CAPN7: variants seen among roughly 807,000 people sequenced by gnomAD.
CAPN7 encodes the protein calpain-7.
A neutral mutation model predicts 115.2 loss-of-function variants in CAPN7; 72 were observed. That is an observed-to-expected ratio of 0.63 (90% CI 0.52 to 0.76). The LOEUF is 0.76. Among genes scored for constraint, CAPN7 ranks in the 30% least tolerant of loss-of-function variants. CAPN7 has a pLI of 0.00. For synonymous variants in CAPN7, 344 were observed against 322.3 expected, an observed-to-expected ratio of 1.07 and a Z score of -0.72; for missense variants, 905 against 971.5, an observed-to-expected ratio of 0.93 and a Z score of 0.91.
In CAPN7 at chr3:15,224,561, C is replaced by A. The variant is rs187985183; in HGVS notation, c.725+1000C>A. ...GTGCTGGGATTACAGATGTGAGCCA[C>A]TGTGCCTGACCCTTCTTTTTCTTTT... On this transcript the variant is annotated intron_variant, in intron 6 of 20. Coordinates refer to ENST00000253693, the MANE Select transcript of CAPN7 (RefSeq NM_014296.3). Among the ~76,000 whole-genome samples, 712 of 152,044 alleles carry A rather than the reference C, an allele frequency of 4.7e-3. 6 individuals carry two copies. The highest frequency in any genetic ancestry group is 0.017 in the African/African-American group (688 of 41,414).
chr3:15,240,242 TTTAAC>T (rs1447209859), intron 12 of CAPN7, among the ~76,000 whole-genome samples: 6 of 152,206 alleles, frequency 3.9e-5, no homozygotes, highest in Non-Finnish European at 7.3e-5. Context: ...TTTATATAAT[TTTAAC>T]TTAACTACAT....
intron 6 of CAPN7, among the ~76,000 whole-genome samples, chr3:15,225,691 A>G (rs1439745896): frequency 6.6e-6 from 1 of 152,226 alleles, no homozygotes; most frequent in Non-Finnish European, 1.5e-5. Context: ...TCTAGCATAT[A>G]AACTTCATAA....
intron 19 of CAPN7, among the ~76,000 whole-genome samples, chr3:15,250,350 G>A (rs1173110826): frequency 6.6e-6 from 1 of 151,778 alleles, no homozygotes; most frequent in African/African-American, 2.4e-5. Flanking sequence ...ACTCCAGCCT[G>A]GGTGACAGTG....
In CAPN7 at chr3:15,233,939, A is replaced by G; in HGVS notation, c.1252A>G (p.Ser418Gly). Residue 418 changes from serine (S) to glycine (G), a missense_variant, in exon 11 of 21, where the codon AGT becomes GGT. Coordinates refer to ENST00000253693, the MANE Select transcript of CAPN7 (RefSeq NM_014296.3). The stretch of plus-strand genomic sequence containing the variant: ...TATGCATTCAGATAGCCAAACTTTC[A>G]GTAAGGATAATTCTTTCAGAATGCT... ...IAMHSDSQTFSKDNSFRMLYQ... is the reference protein window; with the variant it reads ...IAMHSDSQTFGKDNSFRMLYQ... 1 of 1,597,996 alleles carries G rather than the reference A, an allele frequency of 6.3e-7. No individual in the cohort carries two copies. Among genetic ancestry groups the G allele is most frequent in the Non-Finnish European group, 8.6e-7 (1 of 1,166,258 alleles).
At chr3:15,221,072 A>G (rs1693951017) in intron 5 of CAPN7, 91 bp downstream of exon 5, 4 of 963,866 alleles carry the variant, frequency 4.1e-6, no homozygotes, top group Non-Finnish European at 6.5e-6. Flanking sequence ...TTGTATTCAG[A>G]TTTCTCCTAT....
intron 19 of CAPN7, among the ~76,000 whole-genome samples, chr3:15,248,205 A>T (rs190317274): frequency 2.4e-4 from 37 of 152,232 alleles, no homozygotes; most frequent in South Asian, 4.1e-4. Context: ...TAAAAATAAA[A>T]AAATAAAAAC....
At chr3:15,223,166 CT>C (rs1199336398) in intron 5 of CAPN7, among the ~76,000 whole-genome samples, 3 of 152,020 alleles carry the variant, frequency 2.0e-5, no homozygotes, top group Non-Finnish European at 2.9e-5. Context: ...TGATTTCTCC[CT>C]TTAGGCTTAG....
In CAPN7 at chr3:15,246,729, T is replaced by A. The variant is rs2125011679; in HGVS notation, c.2011-3T>A. On this transcript the variant is annotated splice_polypyrimidine_tract_variant and splice_region_variant and intron_variant, in intron 17 of 20. Transcript: ENST00000253693. Reference sequence around the variant, plus strand: ...TATCAATACAGTCTTTTTTTAAATCTAGGTATATTCAGCATGCAGCTTTAC... The same window carrying A: ...TATCAATACAGTCTTTTTTTAAATCAAGGTATATTCAGCATGCAGCTTTAC... 1 of 1,586,640 alleles carries A rather than the reference T, an allele frequency of 6.3e-7. No individual in the cohort carries two copies. Among genetic ancestry groups the A allele is most frequent in the East Asian group, 2.2e-5 (1 of 44,646 alleles).
chr3:15,230,076 C>T (rs1245126587), intron 8 of CAPN7, among the ~76,000 whole-genome samples: 1 of 152,120 alleles, frequency 6.6e-6, no homozygotes. Flanking sequence ...GTTGTATCTA[C>T]TTGCCTTAGT....
intron 2 of CAPN7, among the ~76,000 whole-genome samples, chr3:15,214,642 C>G (rs1244722709): frequency 1.3e-5 from 2 of 152,238 alleles, no homozygotes; most frequent in Non-Finnish European, 2.9e-5. Flanking sequence ...TGCTTGAGCC[C>G]AGGAGGTTGA....
intron 2 of CAPN7, 90 bp from the exon 3 acceptor site, chr3:15,217,335 T>A (rs1483822310): frequency 8.8e-7 from 1 of 1,138,360 alleles, no homozygotes; most frequent in Non-Finnish European, 1.2e-6. Flanking sequence ...TACAGGGTTT[T>A]GGTAAAAAAT....
At position 15,240,872 on chromosome 3, in the gene CAPN7, C is replaced by T; in HGVS notation, c.1652+19C>T. 7.0e-7 allele frequency: 1 copy of T among 1,420,194 alleles called. No individual in the cohort carries two copies. The highest frequency in any genetic ancestry group is 9.9e-7 in the Non-Finnish European group (1 of 1,007,882). 88.0% of individuals were successfully genotyped at this position (1,420,194 alleles called of 1,614,324 possible). On this transcript the variant is annotated intron_variant, in intron 14 of 20. Transcript: ENST00000253693. Reference sequence around the variant, plus strand: ...TTCACAGGTAACTTTTTGCACATTGCAGAGTATGCTTTATAATAGCATCCA... The same window carrying T: ...TTCACAGGTAACTTTTTGCACATTGTAGAGTATGCTTTATAATAGCATCCA...
Position 15,240,580 on chromosome 3 carries a change from A to G in CAPN7, c.1515A>G (p.Leu505=), listed in dbSNP as rs1471654285. 7.4e-6 allele frequency: 12 copies of G among 1,612,380 alleles called. No individual in the cohort carries two copies. The East Asian group carries it at 2.5e-4, about 33-fold the overall frequency. The part of the protein sequence containing the change: ...KNWTPELQKY[L]NFDPRTAQKI... ...GGACTCCAGAGTTGCAAAAGTATTT[A>G]AACTTTGATCCCCGAACAGCTCAGA... Residue 505 remains leucine (L), a synonymous_variant, in exon 13 of 21, where the codon TTA becomes TTG. Coordinates refer to ENST00000253693, the MANE Select transcript of CAPN7 (RefSeq NM_014296.3).
Position 15,235,161 on chromosome 3 carries a change from TTTTTC to T in CAPN7, c.1407+21_1407+25del, listed in dbSNP as rs752505120. The T allele has an allele frequency of 5.1e-6, 8 of 1,576,252 alleles. No homozygotes were observed. Among genetic ancestry groups the T allele is most frequent in the Middle Eastern group, 1.7e-4 (1 of 5,890 alleles). ...AGAGTTCAAGGTTTTGCCTTAAATC[TTTTTC>T]TTTTATTTTTCTTGTTGGATAAGAC... On this transcript the variant is annotated intron_variant, in intron 12 of 20. Transcript: ENST00000253693.
chr3:15,224,322 G>T (rs539254805), intron 6 of CAPN7, among the ~76,000 whole-genome samples: 3 of 151,030 alleles, frequency 2.0e-5, no homozygotes, highest in African/African-American at 7.3e-5. Flanking sequence ...GCCTAGGCTG[G>T]AGTGCAATGA....
At chr3:15,215,593 C>A (rs564807759) in intron 2 of CAPN7, among the ~76,000 whole-genome samples, 1 of 152,332 alleles carries the variant, frequency 6.6e-6, no homozygotes, top group East Asian at 1.9e-4. Flanking sequence ...CAAAACATGG[C>A]CCTTTTGCCA....
In CAPN7 at chr3:15,247,502, A is replaced by C. The variant is rs776594313; in HGVS notation, c.2204+45A>C. 1.7e-5 allele frequency: 26 copies of C among 1,521,158 alleles called. No homozygotes were observed. The East Asian group carries it at 5.6e-4, about 33-fold the overall frequency. 94.2% of individuals were successfully genotyped at this position (1,521,158 alleles called of 1,614,324 possible). A position where few individuals can be genotyped will look rare whatever the true frequency, so the allele number is the denominator to read the frequency against. On this transcript the variant is annotated intron_variant, in intron 19 of 20. Transcript: ENST00000253693. ...CTTAAATTAATGATGTTCTATTACA[A>C]ATGAACATAGTATAACAAAAAAGTT... is the stretch of plus-strand genomic sequence containing the variant.
intron 9 of CAPN7, 120 bp downstream of exon 9, chr3:15,230,655 A>C: frequency 3.4e-6 from 2 of 595,938 alleles, no homozygotes; most frequent in South Asian, 5.0e-5. Context: ...AGAGTCTGTG[A>C]TATTATATAT....
chr3:15,247,194 A>C, intron 18 of CAPN7, 133 bp from the exon 19 acceptor site: 2 of 647,058 alleles, frequency 3.1e-6, no homozygotes, highest in South Asian at 2.3e-5. Context: ...CAGCAAATAA[A>C]GATGGGAGAG....
Sources: gnomAD v4.1 joint callset for allele counts (sites outside exome capture counted in the v4.1 genomes callset) on GRCh38, gnomAD v4.1.1 for gene constraint, MANE v1.5 for transcripts, NCBI Gene and HGNC (gene_info 2026-07-23, HGNC 2026-07-21) for gene names.